The following TET1 variants were observed in gnomAD, a reference collection of about 807,000 sequenced individuals.
TET1 encodes methylcytosine dioxygenase TET1.
Under a neutral mutation model 148.7 loss-of-function variants are expected in TET1, and 13 were observed. The ratio of observed to expected loss-of-function variants is 0.09; its 90% CI spans 0.06 to 0.14. The LOEUF is 0.14. TET1 is among the 10% of genes least tolerant of loss of function. TET1 has a pLI of 1.00. For synonymous variants in TET1, 907 were observed against 937.2 expected (o/e 0.97, Z 0.59); for missense variants, 2,182 against 2,553.8 (o/e 0.85, Z 3.14).
intron 10 of TET1, among the ~76,000 whole-genome samples, chr10:68,683,640 A>G (rs568666338): frequency 6.6e-6 from 1 of 152,078 alleles, no homozygotes; most frequent in African/African-American, 2.4e-5. Context: ...TCTTGATCTC[A>G]TGACCTCGTG....
At chr10:68,625,028 C>T (rs1006841987) in intron 3 of TET1, among the ~76,000 whole-genome samples, 1 of 152,256 alleles carries the variant, frequency 6.6e-6, no homozygotes, top group Non-Finnish European at 1.5e-5. Flanking sequence ...GCCAGTGCGC[C>T]CGGCTTCTTT....
At chr10:68,667,882 G>A (rs1279464554) in intron 7 of TET1, among the ~76,000 whole-genome samples, 1 of 152,140 alleles carries the variant, frequency 6.6e-6, no homozygotes, top group Non-Finnish European at 1.5e-5. Flanking sequence ...GTCTTCCACA[G>A]GAGTGTCATA....
In TET1 at chr10:68,686,470, G is replaced by A. The variant is rs780106757; in HGVS notation, c.5167G>A (p.Glu1723Lys). ...AGACACAGATGAGTTTGGCTCCAAG[G>A]AAGGAATGGAAGCCAAGATCAAATC... is the stretch of plus-strand genomic sequence containing the variant. Reference protein sequence around the residue: ...LSDTDEFGSKEGMEAKIKSGA... With the variant: ...LSDTDEFGSKKGMEAKIKSGA... Residue 1723 changes from glutamate (E) to lysine (K), a missense_variant, in exon 11 of 12, where the codon GAA (glutamate) becomes AAA (lysine). Glu to Lys is a moderately conservative substitution (Grantham distance 56). Around this residue, in one of 11 missense-constraint regions of TET1, gnomAD observed 380 missense variants for 387.9 expected, o/e 0.98. Coordinates refer to ENST00000373644, the MANE Select transcript of TET1 (RefSeq NM_030625.3). The A allele has an allele frequency of 6.2e-7, 1 of 1,614,114 alleles. No homozygotes were observed. Among genetic ancestry groups the A allele is most frequent in the Admixed American group, 1.7e-5 (1 of 60,000 alleles).
At chr10:68,578,502 C>A (rs570525961) in intron 2 of TET1, among the ~76,000 whole-genome samples, 7 of 152,232 alleles carry the variant, frequency 4.6e-5, no homozygotes, top group African/African-American at 1.7e-4. Flanking sequence ...AGGTGATCTG[C>A]CTGCCTCGGC....
intron 3 of TET1, among the ~76,000 whole-genome samples, chr10:68,610,992 A>G (rs2054201246): frequency 1.3e-5 from 2 of 152,108 alleles, no homozygotes; most frequent in Non-Finnish European, 2.9e-5. Flanking sequence ...ATTTATGTTC[A>G]TAAGAATATG....
chr10:68,627,409 GA>G (rs34132432), intron 3 of TET1, among the ~76,000 whole-genome samples: 8 of 127,676 alleles, frequency 6.3e-5, no homozygotes, highest in Admixed American at 3.8e-4. Flanking sequence ...TTCTGTCTCC[GA>G]AAAAAAAAAT....
intron 3 of TET1, chr10:68,632,753 C>T: frequency 6.5e-7 from 1 of 1,542,808 alleles, no homozygotes; most frequent in Admixed American, 1.9e-5. Context: ...GAAAAGAAGT[C>T]AATGTAAACG....
intron 3 of TET1, chr10:68,632,540 G>T (rs1033717090): frequency 6.2e-7 from 1 of 1,610,960 alleles, no homozygotes; most frequent in East Asian, 2.2e-5. Flanking sequence ...AGAATTAGAA[G>T]ATCATGTGAT....
chr10:68,570,119 T>C (rs1290139470), intron 1 of TET1, among the ~76,000 whole-genome samples: 3 of 152,090 alleles, frequency 2.0e-5, no homozygotes, highest in African/African-American at 7.2e-5. Context: ...TTTTCTTTTT[T>C]TTTGAGATGG....
chr10:68,647,497 G>A (rs192449909), intron 4 of TET1, among the ~76,000 whole-genome samples: 23 of 152,060 alleles, frequency 1.5e-4, no homozygotes, highest in Admixed American at 1.4e-3. Context: ...CCAGCTACTC[G>A]GTTGGCTGAG....
intron 3 of TET1, among the ~76,000 whole-genome samples, chr10:68,612,871 G>T (rs1264961826): frequency 1.3e-5 from 2 of 152,138 alleles, no homozygotes; most frequent in Non-Finnish European, 1.5e-5. Flanking sequence ...GCCCACCTCA[G>T]ACTCCCAAAG....
In TET1 at chr10:68,651,873, C is replaced by T. The variant is rs757849152; in HGVS notation, c.4304C>T (p.Pro1435Leu). ...LDRVIQKDKG[P>L]YYTHLGAGPS... is the part of the protein sequence containing the mutation. ...CGAGTTATACAAAAAGACAAAGGCC[C>T]ATATTATACACACCTTGGGGCAGGA... The change falls in exon 5 of 12, where the codon CCA becomes CTA. Residue 1435 changes from proline to leucine, a missense_variant. Physicochemically the swap from Pro to Leu is moderately conservative, Grantham distance 98. Around this residue, in one of 11 missense-constraint regions of TET1, gnomAD observed 169 missense variants for 263.7 expected, o/e 0.64. Transcript: ENST00000373644. 6.2e-7 allele frequency: 1 copy of T among 1,613,224 alleles called. No individual in the cohort carries two copies. The highest frequency in any genetic ancestry group is 1.1e-5 in the South Asian group (1 of 90,864).
chr10:68,675,397 A>G (rs2055335048), intron 8 of TET1, among the ~76,000 whole-genome samples: 1 of 152,170 alleles, frequency 6.6e-6, no homozygotes, highest in Non-Finnish European at 1.5e-5. Flanking sequence ...ACAAACATCA[A>G]ATTTCTGGTG....
intron 6 of TET1, among the ~76,000 whole-genome samples, chr10:68,657,117 C>T (rs2055034522): frequency 6.6e-6 from 1 of 152,034 alleles, no homozygotes. Context: ...GCGGGAGGAC[C>T]ACTGGAGCCC....
At chr10:68,641,070 T>G (rs1256804053) in intron 3 of TET1, among the ~76,000 whole-genome samples, 1 of 151,270 alleles carries the variant, frequency 6.6e-6, no homozygotes, top group Non-Finnish European at 1.5e-5. Context: ...CAGGAGTAAC[T>G]GTGACAGGTT....
chr10:68,566,811 TTC>T (rs201483313), intron 1 of TET1, among the ~76,000 whole-genome samples: 1 of 121,462 alleles, frequency 8.2e-6, no homozygotes, highest in East Asian at 2.5e-4. Flanking sequence ...ACCACTTATT[TTC>T]TCTCTCTCTC....
intron 6 of TET1, among the ~76,000 whole-genome samples, chr10:68,663,299 G>T (rs2055148650): frequency 6.6e-6 from 1 of 152,106 alleles, no homozygotes; most frequent in Non-Finnish European, 1.5e-5. Context: ...TCTTCCAACT[G>T]AACTTTCTTT....
chr10:68,681,613 C>T (rs2055435070), intron 9 of TET1, 125 bp downstream of exon 9: 2 of 548,926 alleles, frequency 3.6e-6, no homozygotes, highest in Non-Finnish European at 3.2e-6. Context: ...AAGCAATGCT[C>T]CTGCCTCACC....
At chr10:68,561,068 G>A (rs927616580) in intron 1 of TET1, among the ~76,000 whole-genome samples, 22 of 152,232 alleles carry the variant, frequency 1.4e-4, no homozygotes, top group African/African-American at 5.3e-4. Context: ...TGGAAGCGGG[G>A]CTGGGGGAGG....
Sources: gnomAD v4.1 joint callset for allele counts (sites outside exome capture counted in the v4.1 genomes callset) on GRCh38, gnomAD v4.1.1 for gene constraint, gnomAD v4.1.1 regional missense constraint, MANE v1.5 for transcripts, NCBI Gene and HGNC (gene_info 2026-07-23, HGNC 2026-07-21) for gene names.